NAV3: variants seen among roughly 807,000 people sequenced by gnomAD.
The protein encoded by NAV3 is pore membrane and/or filament interacting like protein 1.
A neutral mutation model predicts 244.7 loss-of-function variants in NAV3; 87 were observed. The observed-to-expected ratio is 0.36, with a 90% confidence interval of 0.30 to 0.42. The LOEUF is 0.42. Among genes scored for constraint, NAV3 ranks in the 20% least tolerant of loss-of-function variants. The pLI, the probability that NAV3 is intolerant of heterozygous loss-of-function variation, is 1.00. For missense variants in NAV3, 2,663 were observed against 2,893.3 expected, an observed-to-expected ratio of 0.92 and a Z score of 1.83; for synonymous variants, 1,126 against 1,042.2, an observed-to-expected ratio of 1.08 and a Z score of -1.55.
At chr12:78,186,278 C>T (rs532933254) in intron 31 of NAV3, among the ~76,000 whole-genome samples, 12 of 151,820 alleles carry the variant, frequency 7.9e-5, no homozygotes, top group Non-Finnish European at 1.6e-4. Flanking sequence ...AAAACAACAA[C>T]AAAAACAAAT....
intron 2 of NAV3, among the ~76,000 whole-genome samples, chr12:77,736,451 G>A (rs1406305444): frequency 2.0e-5 from 3 of 152,192 alleles, no homozygotes; most frequent in Non-Finnish European, 2.9e-5. Context: ...TTATGTGGTT[G>A]TACCAGTTGA....
chr12:77,632,674 C>A (rs560669791), intron 2 of NAV3, among the ~76,000 whole-genome samples: 1 of 152,262 alleles, frequency 6.6e-6, no homozygotes, highest in Admixed American at 6.5e-5. Flanking sequence ...TTGTTACTAT[C>A]TTTACTGGGT....
chr12:77,863,831 A>G (rs2136362180), intron 1 of NAV3, among the ~76,000 whole-genome samples: 1 of 152,048 alleles, frequency 6.6e-6, no homozygotes, highest in Non-Finnish European at 1.5e-5. Context: ...TAAGACAAAA[A>G]TAGCTACTTA....
At chr12:77,882,194 A>G (rs900599435) in intron 1 of NAV3, among the ~76,000 whole-genome samples, 3 of 152,220 alleles carry the variant, frequency 2.0e-5, no homozygotes, top group Non-Finnish European at 4.4e-5. Context: ...TGGATACAGT[A>G]ACCAAAACAG....
intron 2 of NAV3, among the ~76,000 whole-genome samples, chr12:77,711,213 G>C (rs776108542): frequency 6.6e-6 from 1 of 152,100 alleles, no homozygotes; most frequent in Admixed American, 6.5e-5. Context: ...CTTACTTTGC[G>C]TCAGAATTAC....
intron 1 of NAV3, among the ~76,000 whole-genome samples, chr12:77,933,457 A>C (rs2137356254): frequency 6.6e-6 from 1 of 152,334 alleles, no homozygotes; most frequent in South Asian, 2.1e-4. Context: ...TTACTTTATA[A>C]TTTACTTGCC....
In NAV3 at chr12:77,755,598, C is replaced by CTT. The variant is rs1869115623; in HGVS notation, c.72+183332_72+183333insTT. Among the ~76,000 whole-genome samples the CTT allele has an allele frequency of 6.9e-5, 5 of 72,078 alleles. No individual in the cohort carries two copies. In the South Asian group the frequency reaches 2.9e-3, roughly 41 times the overall value. 47.3% of individuals were successfully genotyped at this position (72,078 alleles called of 152,430 possible). ...CTTTCCTTTCCTCCCTCCCTCCCTC[C>CTT]CTCCCTCCCTCCCTCCTTCCTTCCT... On this transcript the variant is annotated intron_variant, in intron 2 of 8. Transcript: ENST00000550042.
At chr12:77,996,758 C>A (rs534069172) in intron 6 of NAV3, among the ~76,000 whole-genome samples, 1 of 152,180 alleles carries the variant, frequency 6.6e-6, no homozygotes, top group East Asian at 1.9e-4. Flanking sequence ...ATATGAGAGA[C>A]ATTAATAATC....
At chr12:78,056,931 C>G (rs1883598425) in intron 11 of NAV3, among the ~76,000 whole-genome samples, 2 of 152,168 alleles carry the variant, frequency 1.3e-5, no homozygotes, top group South Asian at 4.1e-4. Flanking sequence ...AATAAAGTTT[C>G]ATTTTTTTCC....
At chr12:77,919,544 T>C (rs1171069222) in intron 1 of NAV3, among the ~76,000 whole-genome samples, 1 of 152,186 alleles carries the variant, frequency 6.6e-6, no homozygotes, top group African/African-American at 2.4e-5. Context: ...TATCTACTTC[T>C]TAATCCCCCA....
intron 1 of NAV3, among the ~76,000 whole-genome samples, chr12:77,873,957 G>A (rs78927025): frequency 0.012 from 1,846 of 151,308 alleles, 34 homozygotes; most frequent in African/African-American, 0.04. Flanking sequence ...GTGAGCAGCA[G>A]GCTAGTGAGT....
At chr12:77,743,983 T>A (rs568616168) in intron 2 of NAV3, among the ~76,000 whole-genome samples, 163 of 151,968 alleles carry the variant, frequency 1.1e-3, no homozygotes, top group African/African-American at 3.7e-3. Flanking sequence ...CTTAATATTA[T>A]TAAGTTGTCA....
At chr12:77,627,372 A>G (rs1304251093) in intron 2 of NAV3, among the ~76,000 whole-genome samples, 1 of 152,126 alleles carries the variant, frequency 6.6e-6, no homozygotes, top group Non-Finnish European at 1.5e-5. Flanking sequence ...TTGATAAACT[A>G]CTAGCTAGAC....
At chr12:77,602,890 C>T (rs1870502513) in intron 2 of NAV3, among the ~76,000 whole-genome samples, 1 of 152,050 alleles carries the variant, frequency 6.6e-6, no homozygotes, top group Admixed American at 6.6e-5. Context: ...CCCCATGCAA[C>T]AGGGAATTCC....
intron 9 of NAV3, among the ~76,000 whole-genome samples, chr12:78,024,847 C>T (rs1047214860): frequency 7.9e-5 from 12 of 151,894 alleles, no homozygotes; most frequent in African/African-American, 2.4e-4. Flanking sequence ...TGGTGGCGGG[C>T]GCCTGTAGTC....
chr12:77,781,059 G>A (rs568420566), intron 2 of NAV3, among the ~76,000 whole-genome samples: 2 of 152,116 alleles, frequency 1.3e-5, no homozygotes, highest in African/African-American at 4.8e-5. Context: ...AACAACACAG[G>A]TTTATTTGTT....
At chr12:78,034,361 A>G (rs898150479) in intron 9 of NAV3, among the ~76,000 whole-genome samples, 1 of 152,224 alleles carries the variant, frequency 6.6e-6, no homozygotes, top group Non-Finnish European at 1.5e-5. Flanking sequence ...CAGAGCCAGC[A>G]GTATCTGGAA....
intron 12 of NAV3, among the ~76,000 whole-genome samples, chr12:78,087,798 AG>A (rs1953713089): frequency 6.6e-6 from 1 of 151,980 alleles, no homozygotes; most frequent in African/African-American, 2.4e-5. Flanking sequence ...AGATTTAATT[AG>A]GGGTCTATTT....
At chr12:77,629,016 T>C (rs1012616383) in intron 2 of NAV3, among the ~76,000 whole-genome samples, 4 of 152,230 alleles carry the variant, frequency 2.6e-5, no homozygotes, top group Non-Finnish European at 4.4e-5. Flanking sequence ...ATGTGCTTAG[T>C]AGGTAAACCT....
Sources: gnomAD v4.1 joint callset for allele counts (sites outside exome capture counted in the v4.1 genomes callset) on GRCh38, gnomAD v4.1.1 for gene constraint, MANE v1.5 for transcripts, NCBI Gene and HGNC (gene_info 2026-07-23, HGNC 2026-07-21) for gene names.